The following SRD5A2 variants were observed in gnomAD, a reference collection of about 807,000 sequenced individuals.
SRD5A2 encodes steroid 5 alpha-reductase 2.
A neutral mutation model predicts 27.4 loss-of-function variants in SRD5A2; 30 were observed. The ratio of observed to expected loss-of-function variants is 1.10; its 90% CI spans 0.82 to 1.49. The LOEUF is 1.49. Ranked by LOEUF, SRD5A2 falls within the 40% of genes most tolerant of loss-of-function variation. The pLI is 0.00. For missense variants in SRD5A2, 348 were observed against 323.4 expected, an observed-to-expected ratio of 1.08 and a Z score of -0.58; for synonymous variants, 141 against 133.6, an observed-to-expected ratio of 1.06 and a Z score of -0.38.
At chr2:31,626,848 G>A in the SRD5A2 span, among the ~76,000 whole-genome samples, 6 of 152,026 alleles carry the variant, frequency 3.9e-5, no homozygotes, top group African/African-American at 1.5e-4. Context: ...GCTAGGCTTT[G>A]GTATCAGGAT....
At chr2:31,619,162 A>C in the SRD5A2 span, among the ~76,000 whole-genome samples, 1 of 152,158 alleles carries the variant, frequency 6.6e-6, no homozygotes, top group Non-Finnish European at 1.5e-5. Context: ...ACAGACAATA[A>C]CAAATGTTAA....
chr2:31,555,985 G>A (rs1666485921), intron 1 of SRD5A2, among the ~76,000 whole-genome samples: 1 of 152,016 alleles, frequency 6.6e-6, no homozygotes, highest in African/African-American at 2.4e-5. Context: ...TGAGATTTTG[G>A]GTACACATTT....
At chr2:31,617,007 G>A in the SRD5A2 span, among the ~76,000 whole-genome samples, 81 of 152,200 alleles carry the variant, frequency 5.3e-4, no homozygotes, top group African/African-American at 1.9e-3. Flanking sequence ...TTATGAGATC[G>A]GATGATGGTT....
the SRD5A2 span, among the ~76,000 whole-genome samples, chr2:31,616,702 A>G: frequency 6.6e-6 from 1 of 152,136 alleles, no homozygotes; most frequent in South Asian, 2.1e-4. Context: ...CATAGAGGTG[A>G]AAGGGACTTG....
chr2:31,534,332 G>T (rs534824782), intron 1 of SRD5A2, among the ~76,000 whole-genome samples: 35 of 152,232 alleles, frequency 2.3e-4, no homozygotes, highest in African/African-American at 8.2e-4. Context: ...AGTTAAGTAA[G>T]CTTGGGATCT....
chr2:31,653,809 G>A, the SRD5A2 span, among the ~76,000 whole-genome samples: 6,419 of 152,090 alleles, frequency 0.042, 233 homozygotes, highest in Admixed American at 0.12. Flanking sequence ...ACAGGTGCCC[G>A]CCACCATGCC....
chr2:31,600,368 G>A, the SRD5A2 span, among the ~76,000 whole-genome samples: 1 of 151,900 alleles, frequency 6.6e-6, no homozygotes, highest in African/African-American at 2.4e-5. Context: ...AAATTGTCAG[G>A]TCAAATGGTA....
the SRD5A2 span, among the ~76,000 whole-genome samples, chr2:31,632,620 G>A: frequency 9.2e-5 from 14 of 152,180 alleles, no homozygotes; most frequent in Admixed American, 4.6e-4. Flanking sequence ...CGGCCTTCTC[G>A]GTCTTATTCT....
intron 1 of SRD5A2, among the ~76,000 whole-genome samples, chr2:31,545,219 C>T (rs1349884451): frequency 7.9e-5 from 12 of 151,936 alleles, no homozygotes; most frequent in Admixed American, 7.2e-4. Context: ...CACTTCCTGA[C>T]TTATTCTATG....
the SRD5A2 span, chr2:31,651,580 G>C: frequency 6.2e-6 from 1 of 161,474 alleles, no homozygotes; most frequent in African/African-American, 2.4e-5. Flanking sequence ...ACAAGATCTA[G>C]GATGGATCAG....
chr2:31,613,203 A>C, the SRD5A2 span, among the ~76,000 whole-genome samples: 1 of 152,202 alleles, frequency 6.6e-6, no homozygotes, highest in Admixed American at 6.5e-5. Context: ...TGCACAACAA[A>C]GGAAACAACA....
At chr2:31,579,576 T>TA (rs1391942509) in intron 1 of SRD5A2, among the ~76,000 whole-genome samples, 1 of 152,248 alleles carries the variant, frequency 6.6e-6, no homozygotes, top group Admixed American at 6.5e-5. Flanking sequence ...AGCTCAGATT[T>TA]GCATCTTAGC....
chr2:31,550,188 T>C (rs947954594), intron 1 of SRD5A2, among the ~76,000 whole-genome samples: 4 of 146,532 alleles, frequency 2.7e-5, no homozygotes, highest in African/African-American at 5.3e-5. Context: ...ACTACATTCA[T>C]CTTTGTTTTT....
At chr2:31,563,508 G>C (rs1284920007) in intron 1 of SRD5A2, 3 of 152,108 alleles carry the variant, frequency 2.0e-5, no homozygotes, top group Non-Finnish European at 4.4e-5. Flanking sequence ...TTCCTGGTTT[G>C]AGAAAACTTC....
the SRD5A2 span, among the ~76,000 whole-genome samples, chr2:31,652,484 C>G: frequency 2.0e-5 from 3 of 151,620 alleles, no homozygotes; most frequent in Non-Finnish European, 4.4e-5. Context: ...AAATTAAGGC[C>G]CAGCACTCCA....
the SRD5A2 span, among the ~76,000 whole-genome samples, chr2:31,635,155 G>T: frequency 6.6e-6 from 1 of 152,250 alleles, no homozygotes; most frequent in South Asian, 2.1e-4. Context: ...CACCAACAAT[G>T]TATGAGGGTT....
the SRD5A2 span, among the ~76,000 whole-genome samples, chr2:31,588,871 C>A: frequency 1.3e-5 from 2 of 152,068 alleles, no homozygotes; most frequent in Admixed American, 6.5e-5. Flanking sequence ...GCAGACAGAA[C>A]TAACATGCAG....
chr2:31,589,908 A>G, the SRD5A2 span, among the ~76,000 whole-genome samples: 1 of 151,862 alleles, frequency 6.6e-6, no homozygotes, highest in African/African-American at 2.4e-5. Context: ...CTGGATATAA[A>G]CTCAGTGCTG....
At chr2:31,545,932 G>A (rs1468969094) in intron 1 of SRD5A2, among the ~76,000 whole-genome samples, 1 of 152,070 alleles carries the variant, frequency 6.6e-6, no homozygotes, top group Non-Finnish European at 1.5e-5. Flanking sequence ...TAAACAATAT[G>A]AAAAGGATAT....
Sources: gnomAD v4.1 joint callset for allele counts (sites outside exome capture counted in the v4.1 genomes callset) on GRCh38, gnomAD v4.1.1 for gene constraint, MANE v1.5 for transcripts, NCBI Gene and HGNC (gene_info 2026-07-23, HGNC 2026-07-21) for gene names.